Variants in MTUS1 observed in about 807,000 individuals in gnomAD.
MTUS1 encodes microtubule associated scaffold protein 1, also known as microtubule-associated tumor suppressor 1.
A neutral mutation model predicts 120.8 loss-of-function variants in MTUS1; 109 were observed. That is an observed-to-expected ratio of 0.90 (90% CI 0.77 to 1.06). The LOEUF (loss-of-function observed/expected upper bound fraction) is 1.06, where lower values mean the gene tolerates loss of function less well. MTUS1 is among the 50% of genes least tolerant of loss of function. The pLI, the probability that MTUS1 is intolerant of heterozygous loss-of-function variation, is 0.00. For missense variants in MTUS1, 2,210 were observed against 1,486.3 expected (o/e 1.49, Z -8.01); for synonymous variants, 737 against 550.5 (o/e 1.34, Z -4.74).
intron 2 of MTUS1, among the ~76,000 whole-genome samples, chr8:17,752,870 T>C (rs2131329100): frequency 6.6e-6 from 1 of 152,288 alleles, no homozygotes; most frequent in Middle Eastern, 3.4e-3. Flanking sequence ...TGAGGACACA[T>C]GCCCAACGAC....
In MTUS1 at chr8:17,755,585, GAAGGC is replaced by G; in HGVS notation, c.218_222del (p.Ser73ThrfsTer4). The stretch of plus-strand genomic sequence containing the variant: ...TCATGACCAAATACTTCAACACCCT[GAAGGC>G]TTAAAGAAATATTTTCACCAGTAAC... On this transcript the variant is annotated frameshift_variant, in exon 2 of 15. Coordinates refer to ENST00000693296, the MANE Select transcript of MTUS1 (RefSeq NM_001363059.2). LOFTEE classifies it high-confidence loss of function. 6.2e-7 allele frequency: 1 copy of G among 1,614,124 alleles called. No individual in the cohort carries two copies. Among genetic ancestry groups the G allele is most frequent in the Non-Finnish European group, 8.5e-7 (1 of 1,180,022 alleles).
At position 17,651,033 on chromosome 8, in the gene MTUS1, C is replaced by A. The variant is rs1403337240; in HGVS notation, c.3385-1071G>T. 1.3e-5 allele frequency among the ~76,000 whole-genome samples: 2 copies of A among 152,320 alleles called. 1 individual carries two copies. The highest frequency in any genetic ancestry group is 4.1e-4 in the South Asian group (2 of 4,824). ...CTTAATCCAAACCCCTTACTTCACA[C>A]AGAAAGAGGAAACGTGTTCCACGGG... is the stretch of plus-strand genomic sequence containing the variant. On this transcript the variant is annotated intron_variant, in intron 12 of 14. Coordinates refer to ENST00000693296, the MANE Select transcript of MTUS1 (RefSeq NM_001363059.2).
intron 4 of MTUS1, chr8:17,722,054 C>A: frequency 7.6e-7 from 1 of 1,310,160 alleles, no homozygotes; most frequent in East Asian, 2.8e-5. Flanking sequence ...AACCAGCTAG[C>A]AAATCAAACT....
intron 8 of MTUS1, among the ~76,000 whole-genome samples, chr8:17,662,590 A>G (rs76346661): frequency 0.062 from 9,429 of 151,856 alleles, 499 homozygotes; most frequent in East Asian, 0.24. Flanking sequence ...TTCTGGCCTC[A>G]TGATCCGCCC....
intron 1 of MTUS1, among the ~76,000 whole-genome samples, chr8:17,768,646 A>C (rs2049761926): frequency 6.6e-6 from 1 of 152,148 alleles, no homozygotes; most frequent in Admixed American, 6.5e-5. Context: ...TTTTTGCAGC[A>C]ATTAGAACAT....
intron 1 of MTUS1, among the ~76,000 whole-genome samples, chr8:17,767,069 G>A (rs188088475): frequency 4.6e-5 from 7 of 151,650 alleles, no homozygotes; most frequent in African/African-American, 1.7e-4. Flanking sequence ...TGGGTGGGGA[G>A]AATGAATGGA....
At chr8:17,744,442 C>T (rs2047575371) in intron 2 of MTUS1, among the ~76,000 whole-genome samples, 1 of 151,948 alleles carries the variant, frequency 6.6e-6, no homozygotes, top group South Asian at 2.1e-4. Flanking sequence ...AGTTTTTTGA[C>T]ACGGAGTCTC....
intron 6 of MTUS1, among the ~76,000 whole-genome samples, chr8:17,701,605 T>C (rs1819096523): frequency 6.6e-6 from 1 of 152,174 alleles, no homozygotes; most frequent in African/African-American, 2.4e-5. Context: ...TGGAGTGCAG[T>C]GGCGTGATCT....
intron 4 of MTUS1, chr8:17,721,839 G>C (rs967920938): frequency 6.2e-7 from 1 of 1,614,060 alleles, no homozygotes; most frequent in South Asian, 1.1e-5. Flanking sequence ...GTGTAGAATT[G>C]ATAAAGATTT....
intron 7 of MTUS1, among the ~76,000 whole-genome samples, chr8:17,683,409 G>C (rs189105506): frequency 6.8e-4 from 103 of 152,252 alleles, no homozygotes; most frequent in Middle Eastern, 6.8e-3. Context: ...ATGAAACCAG[G>C]ACAGGTTTGT....
intron 2 of MTUS1, among the ~76,000 whole-genome samples, chr8:17,751,318 T>C (rs1271445832): frequency 6.6e-6 from 1 of 151,800 alleles, no homozygotes; most frequent in Non-Finnish European, 1.5e-5. Context: ...AAAATTAACA[T>C]CCCTCCAGCA....
intron 8 of MTUS1, among the ~76,000 whole-genome samples, chr8:17,662,349 A>ATTTTTTTTTTTTTTTTTTTTTTTT (rs35308070): frequency 8.9e-6 from 1 of 112,714 alleles, no homozygotes. Context: ...TTTTGTCCCT[A>ATTTTTTTTTTTTTTTTTTTTTTTT]TTTTTTTTTT....
intron 6 of MTUS1, among the ~76,000 whole-genome samples, chr8:17,690,748 C>G (rs963462165): frequency 4.6e-5 from 7 of 152,232 alleles, no homozygotes; most frequent in Non-Finnish European, 5.9e-5. Context: ...AAATCTCTCA[C>G]CCCAAAAGAA....
chr8:17,694,483 T>A (rs1198191529), intron 6 of MTUS1, among the ~76,000 whole-genome samples: 8 of 151,980 alleles, frequency 5.3e-5, no homozygotes, highest in Non-Finnish European at 1.0e-4. Context: ...ATGGCCAACA[T>A]GGTGAAACCC....
At chr8:17,684,194 A>C in intron 7 of MTUS1, 134 bp downstream of exon 7, 1 of 667,364 alleles carries the variant, frequency 1.5e-6, no homozygotes, top group Non-Finnish European at 2.6e-6. Context: ...AGTGACAAAA[A>C]TGTAATGGGA....
chr8:17,799,935 C>G (rs926944311), intron 1 of MTUS1, among the ~76,000 whole-genome samples: 1 of 149,968 alleles, frequency 6.7e-6, no homozygotes, highest in Non-Finnish European at 1.5e-5. Flanking sequence ...AATATATTGC[C>G]TATGAAAAAA....
chr8:17,645,881 C>T lies in MTUS1; in HGVS notation c.*45G>A. The T allele has an allele frequency of 6.3e-7, 1 of 1,580,640 alleles. No homozygotes were observed. Among genetic ancestry groups the T allele is most frequent in the Admixed American group, 1.8e-5 (1 of 54,638 alleles). On this transcript the variant is annotated 3_prime_UTR_variant, in exon 15 of 15. Coordinates refer to ENST00000693296, the MANE Select transcript of MTUS1 (RefSeq NM_001363059.2). ...CCTCCTTGGGGTCAGTCCTGCAGAC[C>T]TGCATCAAAATGCTTTCAGAGAGTC...
At chr8:17,665,018 C>T (rs1394608425) in intron 8 of MTUS1, among the ~76,000 whole-genome samples, 1 of 152,204 alleles carries the variant, frequency 6.6e-6, no homozygotes, top group Admixed American at 6.5e-5. Context: ...ACCACCTGTT[C>T]TGCCAACAGT....
At chr8:17,693,452 T>A (rs894100090) in intron 6 of MTUS1, 1 of 152,152 alleles carries the variant, frequency 6.6e-6, no homozygotes, top group African/African-American at 2.4e-5. Context: ...GAGTGCCCAG[T>A]GCCCTCTGCG....
Sources: allele counts gnomAD v4.1 joint callset (sites outside exome capture counted in the v4.1 genomes callset), GRCh38; gene constraint gnomAD v4.1.1; transcripts MANE v1.5; gene names NCBI Gene and HGNC (gene_info 2026-07-23, HGNC 2026-07-21).